Variants in RABGAP1 observed in about 807,000 individuals in gnomAD.
RABGAP1 encodes rab GTPase-activating protein 1.
RABGAP1 carries 23 observed loss-of-function variants against 137.6 expected under a neutral mutation model. The ratio of observed to expected loss-of-function variants is 0.17; its 90% CI spans 0.12 to 0.24. The LOEUF (loss-of-function observed/expected upper bound fraction) is 0.24. Ranked by LOEUF, RABGAP1 falls within the 10% of genes least tolerant of loss-of-function variation. The pLI is 1.00. For missense variants in RABGAP1, 906 were observed against 1,275.8 expected (o/e 0.71, Z 4.42); for synonymous variants, 451 against 450.7 (o/e 1.00, Z -0.01).
chr9:122,984,152 A>G (rs1248191365), intron 2 of RABGAP1, among the ~76,000 whole-genome samples: 1 of 152,170 alleles, frequency 6.6e-6, no homozygotes, highest in African/African-American at 2.4e-5. Context: ...TAAAAGCGTT[A>G]TTTCTTATCA....
chr9:122,964,695 A>G (rs975942189), intron 2 of RABGAP1, among the ~76,000 whole-genome samples: 5 of 152,232 alleles, frequency 3.3e-5, no homozygotes, highest in African/African-American at 1.2e-4. Context: ...CCGATCTTCA[A>G]CATTGTGCTA....
chr9:122,962,202 G>A (rs1172357747), intron 2 of RABGAP1, among the ~76,000 whole-genome samples: 1 of 151,664 alleles, frequency 6.6e-6, no homozygotes, highest in African/African-American at 2.4e-5. Context: ...CTGATAAGAT[G>A]TGCATTGTTT....
chr9:122,943,376 C>G (rs796374842), intron 1 of RABGAP1, among the ~76,000 whole-genome samples: 1 of 152,156 alleles, frequency 6.6e-6, no homozygotes, highest in African/African-American at 2.4e-5. Flanking sequence ...GCCACACTTT[C>G]TTTTAATTGA....
At position 123,097,805 on chromosome 9, in the gene RABGAP1, C is replaced by G; in HGVS notation, c.2693C>G (p.Ala898Gly). Residue 898 changes from alanine to glycine, a missense_variant, in exon 22 of 26, where the codon GCA becomes GGA. Transcript: ENST00000373647. ...ATGACCAAACAGAAGTTGATTGATG[C>G]AGAAGAAGAGAAAAGACGGCTGGAA... The part of the protein sequence containing the change: ...LLMTKQKLID[A>G]EEEKRRLEEE... 3 of 1,613,830 alleles carry G rather than the reference C, an allele frequency of 1.9e-6. No homozygotes were observed. The highest frequency in any genetic ancestry group is 1.1e-5 in the South Asian group (1 of 91,022).
At chr9:123,007,629 G>A (rs2030411485) in intron 10 of RABGAP1, among the ~76,000 whole-genome samples, 1 of 148,432 alleles carries the variant, frequency 6.7e-6, no homozygotes, top group East Asian at 2.0e-4. Context: ...AAACACCTGG[G>A]CTCAGGTGAT....
chr9:122,998,362 T>C (rs1837147981), intron 9 of RABGAP1, among the ~76,000 whole-genome samples: 1 of 152,192 alleles, frequency 6.6e-6, no homozygotes, highest in South Asian at 2.1e-4. Context: ...CTGATGACAG[T>C]ACAGTTTTGA....
intron 10 of RABGAP1, among the ~76,000 whole-genome samples, chr9:123,004,304 T>G (rs908665583): frequency 2.7e-5 from 4 of 149,558 alleles, no homozygotes; most frequent in African/African-American, 7.4e-5. Flanking sequence ...GTCTTTTTTG[T>G]TTTTTTTTTC....
intron 13 of RABGAP1, among the ~76,000 whole-genome samples, chr9:123,051,745 TTTTA>T (rs1301967946): frequency 1.0e-4 from 1 of 9,716 alleles, no homozygotes; most frequent in African/African-American, 2.7e-3. Context: ...AGAAAAGCTA[TTTTA>T]TTTTATTTTA....
At chr9:122,974,174 T>C (rs955257450) in intron 2 of RABGAP1, among the ~76,000 whole-genome samples, 1 of 152,142 alleles carries the variant, frequency 6.6e-6, no homozygotes, top group Non-Finnish European at 1.5e-5. Context: ...CAATTCATCA[T>C]GTACTAGAAT....
At chr9:123,033,634 C>T (rs1462537940) in intron 13 of RABGAP1, 7 of 152,028 alleles carry the variant, frequency 4.6e-5, no homozygotes, top group African/African-American at 4.8e-5. Flanking sequence ...CTCCTCCCTC[C>T]GTGTCTTAGT....
chr9:123,081,666 C>T (rs763217409), intron 19 of RABGAP1, among the ~76,000 whole-genome samples: 5 of 152,088 alleles, frequency 3.3e-5, no homozygotes, highest in Non-Finnish European at 5.9e-5. Context: ...TGGTCTCGAA[C>T]TCCTGGACTC....
At chr9:123,077,138 T>A (rs1474914483) in intron 19 of RABGAP1, 1 of 151,316 alleles carries the variant, frequency 6.6e-6, no homozygotes, top group Non-Finnish European at 1.5e-5. Flanking sequence ...TCATGATTTC[T>A]TCTACTGTGC....
chr9:122,947,978 A>G (rs1292068273), intron 1 of RABGAP1, among the ~76,000 whole-genome samples: 2 of 152,056 alleles, frequency 1.3e-5, no homozygotes, highest in Non-Finnish European at 2.9e-5. Context: ...CACCCTTTCC[A>G]GGGATAGGCT....
intron 22 of RABGAP1, 48 bp downstream of exon 22, chr9:123,097,893 T>C: frequency 6.6e-7 from 1 of 1,524,460 alleles, no homozygotes; most frequent in Non-Finnish European, 8.9e-7. Flanking sequence ...GCTTGAGAAC[T>C]GGGAGTTCAG....
At chr9:123,097,106 CA>C (rs1218882776) in intron 21 of RABGAP1, among the ~76,000 whole-genome samples, 1 of 152,104 alleles carries the variant, frequency 6.6e-6, no homozygotes, top group East Asian at 1.9e-4. Flanking sequence ...TTGGAGTGCC[CA>C]GCACCAGGAA....
chr9:122,978,816 A>G (rs1835897503), intron 2 of RABGAP1, among the ~76,000 whole-genome samples: 2 of 152,156 alleles, frequency 1.3e-5, no homozygotes, highest in African/African-American at 2.4e-5. Context: ...AGGGTTTTCT[A>G]GTCGCTCCTT....
At chr9:123,082,425 C>T (rs552246492) in intron 19 of RABGAP1, among the ~76,000 whole-genome samples, 49 of 152,262 alleles carry the variant, frequency 3.2e-4, no homozygotes, top group Middle Eastern at 6.8e-3. Context: ...GCCCCACAGC[C>T]CTTTCATACA....
chr9:123,019,625 T>C (rs1028166192), intron 12 of RABGAP1, among the ~76,000 whole-genome samples: 1 of 152,082 alleles, frequency 6.6e-6, no homozygotes, highest in Non-Finnish European at 1.5e-5. Context: ...ACTTGTCAGT[T>C]TGATGTAGAG....
intron 13 of RABGAP1, among the ~76,000 whole-genome samples, chr9:123,036,874 A>G (rs369151656): frequency 6.0e-5 from 9 of 151,130 alleles, no homozygotes; most frequent in Middle Eastern, 3.2e-3. Context: ...TAATTCTTCT[A>G]TAGAATTATT....
Sources: allele counts gnomAD v4.1 joint callset (sites outside exome capture counted in the v4.1 genomes callset), GRCh38; gene constraint gnomAD v4.1.1; transcripts MANE v1.5; gene names NCBI Gene and HGNC (gene_info 2026-07-23, HGNC 2026-07-21).